Variants in ACOT11 observed in about 807,000 individuals in gnomAD.
The protein encoded by ACOT11 is acyl-coenzyme A thioesterase 11.
In ACOT11, 69 loss-of-function variants were observed where a neutral mutation model predicts 77.5. The observed-to-expected ratio is 0.89, with a 90% CI of 0.73 to 1.09. The LOEUF (loss-of-function observed/expected upper bound fraction) is 1.09, where lower values mean the gene tolerates loss of function less well. Ranked by LOEUF, ACOT11 falls within the 50% of genes least tolerant of loss-of-function variation. The probability of loss-of-function intolerance (pLI) is 0.00; values close to 1 mark genes in which losing one functional copy is unlikely to be tolerated. For missense variants in ACOT11, 766 were observed against 813.7 expected (o/e 0.94, Z 0.71); for synonymous variants, 279 against 313.0 (o/e 0.89, Z 1.15).
chr1:54,557,934 G>A (rs905078345), intron 1 of ACOT11, among the ~76,000 whole-genome samples: 7 of 152,142 alleles, frequency 4.6e-5, no homozygotes, highest in African/African-American at 1.7e-4. Flanking sequence ...GTAAAAGTGG[G>A]CATCTTTGTT....
At chr1:54,614,939 G>GGTGTGTGTGT (rs71045199), downstream of ACOT11, 254 of 1,210,190 alleles carry the variant, frequency 2.1e-4, no homozygotes, top group Middle Eastern at 1.2e-3. Flanking sequence ...AAGCAGAGCG[G>GGTGTGTGTGT]GTGTGTGTGT....
intron 1 of ACOT11, among the ~76,000 whole-genome samples, chr1:54,565,229 G>A (rs1248576097): frequency 6.6e-6 from 1 of 152,222 alleles, no homozygotes; most frequent in Non-Finnish European, 1.5e-5. Context: ...TGGATGGGGA[G>A]TCGAGGCAGT....
At chr1:54,634,000 T>C (rs1434820141) in intron 16 of ACOT11, among the ~76,000 whole-genome samples, 1 of 152,232 alleles carries the variant, frequency 6.6e-6, no homozygotes, top group African/African-American at 2.4e-5. Flanking sequence ...GGTGGCTTTT[T>C]CTTCCACATA....
chr1:54,548,246 C>T lies in ACOT11; in HGVS notation c.-64C>T. 1 of 1,557,926 alleles carries T rather than the reference C, an allele frequency of 6.4e-7. No individual in the cohort carries two copies. Among genetic ancestry groups the T allele is most frequent in the Non-Finnish European group, 8.7e-7 (1 of 1,149,180 alleles). On this transcript the variant is annotated 5_prime_UTR_variant, in exon 1 of 16. Transcript: ENST00000343744. ...AGGCTTCATTTGGAGTCAGGCCTGGCTGTTGCTCAGGTGACCAGCTTGTGT... is the reference window on the plus strand; with the variant it reads ...AGGCTTCATTTGGAGTCAGGCCTGGTTGTTGCTCAGGTGACCAGCTTGTGT...
intron 1 of ACOT11, among the ~76,000 whole-genome samples, chr1:54,556,450 G>T (rs1263406319): frequency 6.6e-6 from 1 of 152,184 alleles, no homozygotes; most frequent in Non-Finnish European, 1.5e-5. Context: ...CTTTGATAGG[G>T]ATTGCATTGA....
chr1:54,609,873 C>G lies in ACOT11; in HGVS notation c.*761C>G. On this transcript the variant is annotated 3_prime_UTR_variant, in exon 16 of 16. Coordinates refer to ENST00000343744, the MANE Select transcript of ACOT11 (RefSeq NM_147161.4). ...AGGATGTTGCCACTTGGAGTATGAA[C>G]AATGGGCACGGGGTTTTCAGCCACA... 1 of 1,613,684 alleles carries G rather than the reference C, an allele frequency of 6.2e-7. No individual in the cohort carries two copies. Among genetic ancestry groups the G allele is most frequent in the East Asian group, 2.2e-5 (1 of 44,864 alleles).
chr1:54,554,710 G>A (rs1361907501), intron 1 of ACOT11, among the ~76,000 whole-genome samples: 1 of 151,980 alleles, frequency 6.6e-6, no homozygotes, highest in Non-Finnish European at 1.5e-5. Flanking sequence ...CCATGTCTTG[G>A]CTATTGTGAA....
chr1:54,638,667 G>GT (rs201969576), exon 17 of ACOT11: 1,792 of 151,084 alleles, frequency 0.012, 42 homozygotes, highest in African/African-American at 0.04. Context: ...CAGTCCCTGT[G>GT]TTTTTTTTTG....
At chr1:54,562,815 C>G (rs1196852614) in intron 1 of ACOT11, among the ~76,000 whole-genome samples, 2 of 107,204 alleles carry the variant, frequency 1.9e-5, no homozygotes, top group Non-Finnish European at 4.0e-5. Flanking sequence ...GATGGGCGGC[C>G]GGGCAGAGAC....
intron 1 of ACOT11, among the ~76,000 whole-genome samples, chr1:54,552,389 A>G (rs1653101682): frequency 6.6e-6 from 1 of 152,126 alleles, no homozygotes; most frequent in Non-Finnish European, 1.5e-5. Context: ...GGCTTCCTGG[A>G]GGAAGAGGTG....
intron 1 of ACOT11, among the ~76,000 whole-genome samples, chr1:54,557,421 A>T (rs891182000): frequency 4.0e-5 from 6 of 151,602 alleles, no homozygotes; most frequent in Non-Finnish European, 7.4e-5. Flanking sequence ...AAAAAAATTA[A>T]ATTATTTATC....
chr1:54,612,378 G>A, downstream of ACOT11: 1 of 754,342 alleles, frequency 1.3e-6, no homozygotes, highest in Non-Finnish European at 2.2e-6. Flanking sequence ...AGCACTGGCA[G>A]GGGTTGGACG....
chr1:54,582,411 T>C lies in ACOT11; in HGVS notation c.34-2244T>C, dbSNP rs551066510. 973 of 985,046 alleles carry C rather than the reference T, an allele frequency of 9.9e-4. 1 individual carries two copies. Among genetic ancestry groups the C allele is most frequent in the Middle Eastern group, 3.1e-3 (6 of 1,914 alleles). The allele number at this position is 985,046 out of a possible 1,614,324, so 61.0% of individuals were successfully genotyped here. A position where few individuals can be genotyped will look rare whatever the true frequency, so the allele number is the denominator to read the frequency against. The stretch of plus-strand genomic sequence containing the variant: ...CAGGCCCCTCTAGGCCCAATTTGTC[T>C]TTGTATTCTCTATCTTTGCCCAGGG... On this transcript the variant is annotated intron_variant, in intron 1 of 15. Transcript: ENST00000343744.
chr1:54,588,047 A>G (rs1202772854), intron 3 of ACOT11, among the ~76,000 whole-genome samples: 2 of 151,808 alleles, frequency 1.3e-5, no homozygotes, highest in Admixed American at 6.6e-5. Flanking sequence ...CCCTGTCTCT[A>G]CCAAAAATTA....
At chr1:54,559,019 TCAC>T (rs1182144194) in intron 1 of ACOT11, among the ~76,000 whole-genome samples, 1 of 152,014 alleles carries the variant, frequency 6.6e-6, no homozygotes, top group African/African-American at 2.4e-5. Context: ...CCCTGACTCC[TCAC>T]AACAGGGAGG....
rs187006050 is a variant in ACOT11 at position 54,616,917 on chromosome 1, T to C, written c.1629+8849T>C. Among the ~76,000 whole-genome samples, 45 of 152,280 alleles carry C rather than the reference T, an allele frequency of 3.0e-4. No individual in the cohort carries two copies. In the East Asian group the frequency reaches 8.5e-3, roughly 29 times the overall value. On this transcript the variant is annotated intron_variant, in intron 15 of 16. Transcript: ENST00000371316. ...CTATTAGTCTTGCTATGTTGCCCTG[T>C]CTGGTCTTGAACTCCTGGGCTCAAG...
intron 1 of ACOT11, among the ~76,000 whole-genome samples, chr1:54,582,130 G>C (rs1484218606): frequency 6.6e-6 from 1 of 152,158 alleles, no homozygotes; most frequent in Non-Finnish European, 1.5e-5. Flanking sequence ...ATTCTGACAG[G>C]GTTCTAGAGC....
chr1:54,603,484 A>G (rs1232944414), intron 10 of ACOT11, among the ~76,000 whole-genome samples: 2 of 152,204 alleles, frequency 1.3e-5, no homozygotes, highest in Non-Finnish European at 2.9e-5. Context: ...TATGGCATTT[A>G]CTGAGCATTT....
chr1:54,561,746 C>A, intron 1 of ACOT11, among the ~76,000 whole-genome samples: 1 of 124,218 alleles, frequency 8.1e-6, no homozygotes, highest in African/African-American at 3.3e-5. Flanking sequence ...ACCCCCCCCA[C>A]CTCCCTCCCG....
Sources: allele counts gnomAD v4.1 joint callset (sites outside exome capture counted in the v4.1 genomes callset), GRCh38; gene constraint gnomAD v4.1.1; transcripts MANE v1.5; gene names NCBI Gene and HGNC (gene_info 2026-07-23, HGNC 2026-07-21).